Variants in PSMD14 observed in about 807,000 individuals in gnomAD.
The protein encoded by PSMD14 is ubiquitin C-terminal hydrolase PSMD14.
A neutral mutation model predicts 41.2 loss-of-function variants in PSMD14; 7 were observed. The observed-to-expected ratio is 0.17, with a 90% CI of 0.10 to 0.32. The LOEUF (loss-of-function observed/expected upper bound fraction) is 0.32. PSMD14 is among the 10% of genes least tolerant of loss of function. The pLI is 1.00. For missense variants in PSMD14, 139 were observed against 375.6 expected (o/e 0.37, Z 5.21); for synonymous variants, 114 against 122.3 (o/e 0.93, Z 0.45).
chr2:161,403,149 T>C (rs1683903653), intron 10 of PSMD14, among the ~76,000 whole-genome samples: 1 of 152,246 alleles, frequency 6.6e-6, no homozygotes, highest in Non-Finnish European at 1.5e-5. Context: ...TCCAAATGTC[T>C]ATCAGTAGAT....
At chr2:161,350,089 G>A (rs186604407) in intron 3 of PSMD14, among the ~76,000 whole-genome samples, 4 of 152,314 alleles carry the variant, frequency 2.6e-5, no homozygotes, top group Admixed American at 1.3e-4. Context: ...TTAAAGAAAT[G>A]TTGGTATGTT....
chr2:161,358,992 G>A (rs1403112868), intron 3 of PSMD14, among the ~76,000 whole-genome samples: 2 of 152,142 alleles, frequency 1.3e-5, no homozygotes, highest in Non-Finnish European at 2.9e-5. Flanking sequence ...TTTTTCTGGA[G>A]ATAGGGCCTC....
chr2:161,352,903 A>G (rs928967021), intron 3 of PSMD14, among the ~76,000 whole-genome samples: 1 of 152,206 alleles, frequency 6.6e-6, no homozygotes, highest in Non-Finnish European at 1.5e-5. Context: ...TGGCTCTAAC[A>G]GCTGATCACA....
At position 161,411,507 on chromosome 2, in the gene PSMD14, A is replaced by G. The variant is rs527288801; in HGVS notation, c.*107A>G. The G allele has an allele frequency of 5.5e-5, 35 of 630,828 alleles. No homozygotes were observed. In the East Asian group the frequency reaches 7.2e-4, roughly 13 times the overall value. 39.1% of individuals were successfully genotyped at this position (630,828 alleles called of 1,614,324 possible). The stretch of plus-strand genomic sequence containing the variant: ...AGGTGTACTTGGCTAAATGTAAGAC[A>G]TCTGGCATCATTTGCAGCACTGTAA... On this transcript the variant is annotated 3_prime_UTR_variant, in exon 12 of 12. Coordinates refer to ENST00000409682, the MANE Select transcript of PSMD14 (RefSeq NM_005805.6).
At position 161,411,382 on chromosome 2, in the gene PSMD14, T is replaced by C. The variant is rs1450462777; in HGVS notation, c.915T>C (p.Asp305=). The change falls in exon 12 of 12, where the codon GAT becomes GAC. Residue 305 remains aspartate (D), a synonymous_variant. Transcript: ENST00000409682. The stretch of plus-strand genomic sequence containing the variant: ...TCCAGTGTTTAGCAGCTATGTTGGA[T>C]ACTGTCGTATTTAAATAAAGCAACG... ...NIVQCLAAML[D]TVVFK The C allele has an allele frequency of 1.2e-6, 2 of 1,607,064 alleles. No individual in the cohort carries two copies. Among genetic ancestry groups the C allele is most frequent in the Non-Finnish European group, 1.7e-6 (2 of 1,175,576 alleles).
chr2:161,326,859 A>C (rs778750765), intron 3 of PSMD14, among the ~76,000 whole-genome samples: 1 of 152,346 alleles, frequency 6.6e-6, no homozygotes, highest in Admixed American at 6.5e-5. Flanking sequence ...ATAATGCTTA[A>C]TACAGTGTAA....
At chr2:161,385,320 GTTC>G in intron 7 of PSMD14, 141 bp from the exon 8 acceptor site, 5 of 424,512 alleles carry the variant, frequency 1.2e-5, no homozygotes, top group Non-Finnish European at 2.1e-5. Context: ...TCAGCAGGAG[GTTC>G]TTTTTTATTA....
chr2:161,387,513 C>T (rs1051038844), intron 8 of PSMD14, among the ~76,000 whole-genome samples: 6 of 151,910 alleles, frequency 3.9e-5, no homozygotes, highest in African/African-American at 1.4e-4. Context: ...TAATGATTTT[C>T]TAACAGATTT....
intron 3 of PSMD14, among the ~76,000 whole-genome samples, chr2:161,323,634 G>C (rs1473831061): frequency 6.6e-6 from 1 of 151,962 alleles, no homozygotes; most frequent in Admixed American, 6.6e-5. Flanking sequence ...CTGCACTCCA[G>C]CCTGGGTGAC....
intron 9 of PSMD14, among the ~76,000 whole-genome samples, chr2:161,392,080 T>G (rs115539479): frequency 0.015 from 2,354 of 152,282 alleles, 55 homozygotes; most frequent in African/African-American, 0.053. Context: ...CTCATTTGTT[T>G]CTATTTTAGG....
At chr2:161,357,076 C>CTTTTTTTTTTTTTTTTTTT (rs71281822) in intron 3 of PSMD14, among the ~76,000 whole-genome samples, 2,138 of 123,542 alleles carry the variant, frequency 0.017, 182 homozygotes, top group East Asian at 0.086. Flanking sequence ...TGGCAAATGC[C>CTTTTTTTTTTTTTTTTTTT]TTTTTTTTTT....
At chr2:161,334,087 CT>C (rs1559040670) in intron 3 of PSMD14, among the ~76,000 whole-genome samples, 1 of 152,118 alleles carries the variant, frequency 6.6e-6, no homozygotes, top group Non-Finnish European at 1.5e-5. Context: ...AATCCTAGCA[CT>C]TTGGGAGGCT....
At chr2:161,322,549 C>T (rs904547194) in intron 3 of PSMD14, among the ~76,000 whole-genome samples, 2 of 152,096 alleles carry the variant, frequency 1.3e-5, no homozygotes, top group Non-Finnish European at 2.9e-5. Flanking sequence ...GCCTCCACGC[C>T]CAGCTAATTT....
intron 3 of PSMD14, among the ~76,000 whole-genome samples, chr2:161,366,248 T>C (rs1441642857): frequency 2.0e-5 from 3 of 152,150 alleles, no homozygotes; most frequent in African/African-American, 4.8e-5. Flanking sequence ...TTGAGGGACT[T>C]GATTTTTCCC....
Position 161,312,540 on chromosome 2 carries a change from A to G in PSMD14, c.-137-3897A>G, listed in dbSNP as rs537031451. On this transcript the variant is annotated intron_variant, in intron 1 of 11. Coordinates refer to ENST00000409682, the MANE Select transcript of PSMD14 (RefSeq NM_005805.6). The stretch of plus-strand genomic sequence containing the variant: ...AGAAAGAAAAAGTGGAAAGTAATCA[A>G]CTTTTGAAAGTACTGATACCTTTTT... 3.1e-4 allele frequency among the ~76,000 whole-genome samples: 47 copies of G among 152,338 alleles called. No homozygotes were observed. In the South Asian group the frequency reaches 6.0e-3, roughly 19 times the overall value.
intron 1 of PSMD14, among the ~76,000 whole-genome samples, chr2:161,310,260 G>A (rs1490050071): frequency 6.6e-6 from 1 of 152,214 alleles, no homozygotes; most frequent in African/African-American, 2.4e-5. Context: ...TGAACCATAT[G>A]TATGAAAGTC....
In PSMD14 at chr2:161,358,705, G is replaced by A. The variant is rs575594993; in HGVS notation, c.49-8773G>A. 3.3e-4 allele frequency among the ~76,000 whole-genome samples: 50 copies of A among 152,286 alleles called. No individual in the cohort carries two copies. In the East Asian group the frequency reaches 9.5e-3, roughly 29 times the overall value. On this transcript the variant is annotated intron_variant, in intron 3 of 11. Coordinates refer to ENST00000409682, the MANE Select transcript of PSMD14 (RefSeq NM_005805.6). ...CACGCCTGTAATCCCAACACTTTGG[G>A]AGGCTGAGGCGGGTGGATCATGAGA... is the stretch of plus-strand genomic sequence containing the variant.
chr2:161,400,658 ATCC>A (rs1163150945), intron 10 of PSMD14, among the ~76,000 whole-genome samples: 2 of 152,170 alleles, frequency 1.3e-5, no homozygotes, highest in African/African-American at 4.8e-5. Flanking sequence ...GGCTCAAGCA[ATCC>A]TCCTGCCTCA....
At chr2:161,352,077 A>G (rs1160941213) in intron 3 of PSMD14, among the ~76,000 whole-genome samples, 1 of 152,194 alleles carries the variant, frequency 6.6e-6, no homozygotes, top group Non-Finnish European at 1.5e-5. Context: ...TCAGAATTTG[A>G]TGCATTTGGT....
Sources: allele counts gnomAD v4.1 joint callset (sites outside exome capture counted in the v4.1 genomes callset), GRCh38; gene constraint gnomAD v4.1.1; transcripts MANE v1.5; gene names NCBI Gene and HGNC (gene_info 2026-07-23, HGNC 2026-07-21).